Variants in ANKS1B observed in about 807,000 individuals in gnomAD.
ANKS1B encodes ankyrin repeat and sterile alpha motif domain-containing protein 1B.
In ANKS1B, 36 loss-of-function variants were observed where a neutral mutation model predicts 148.3. The ratio of observed to expected loss-of-function variants is 0.24; its 90% CI spans 0.19 to 0.32. The LOEUF is 0.32. Among genes scored for constraint, ANKS1B ranks in the 10% least tolerant of loss-of-function variants. The probability of loss-of-function intolerance (pLI) is 1.00; values close to 1 mark genes in which losing one functional copy is unlikely to be tolerated. For missense variants in ANKS1B, 1,157 were observed against 1,542.6 expected (o/e 0.75, Z 4.19); for synonymous variants, 542 against 560.8 (o/e 0.97, Z 0.47).
chr12:99,330,501 GT>G (rs1464713312), intron 12 of ANKS1B, among the ~76,000 whole-genome samples: 2 of 151,924 alleles, frequency 1.3e-5, no homozygotes, highest in Non-Finnish European at 2.9e-5. Flanking sequence ...CGACAACTTT[GT>G]GATTGTTCTA....
At chr12:99,500,375 A>C (rs2096643845) in intron 10 of ANKS1B, among the ~76,000 whole-genome samples, 1 of 152,146 alleles carries the variant, frequency 6.6e-6, no homozygotes, top group African/African-American at 2.4e-5. Context: ...CCTGGAGAGC[A>C]AAAAAGGCCT....
At chr12:99,214,868 C>T (rs2083909038) in intron 14 of ANKS1B, among the ~76,000 whole-genome samples, 1 of 152,038 alleles carries the variant, frequency 6.6e-6, no homozygotes. Flanking sequence ...GAGGTGGTCT[C>T]AGATGGAGAT....
intron 12 of ANKS1B, among the ~76,000 whole-genome samples, chr12:99,321,887 G>A (rs2085343899): frequency 6.6e-6 from 1 of 152,190 alleles, no homozygotes; most frequent in African/African-American, 2.4e-5. Context: ...GGAGAAATAG[G>A]AATGCTTTTA....
intron 17 of ANKS1B, among the ~76,000 whole-genome samples, chr12:98,845,279 T>C (rs1051916087): frequency 6.6e-6 from 1 of 152,168 alleles, no homozygotes; most frequent in Non-Finnish European, 1.5e-5. Flanking sequence ...AAATCAGGAT[T>C]TGAATCCAGT....
chr12:99,632,767 A>ATATATATATTTTTTTTTTTT (rs1441486862), intron 9 of ANKS1B, among the ~76,000 whole-genome samples: 1 of 71,336 alleles, frequency 1.4e-5, no homozygotes, highest in African/African-American at 4.8e-5. Context: ...ATATATATAT[A>ATATATATATTTTTTTTTTTT]TTTTAATTAT....
At chr12:99,602,870 ATTAG>A (rs2097815889) in intron 9 of ANKS1B, among the ~76,000 whole-genome samples, 1 of 152,136 alleles carries the variant, frequency 6.6e-6, no homozygotes, top group Non-Finnish European at 1.5e-5. Flanking sequence ...CTCAAAAACA[ATTAG>A]TTAGAATCTA....
intron 17 of ANKS1B, among the ~76,000 whole-genome samples, chr12:98,862,143 T>C (rs539429744): frequency 6.6e-6 from 1 of 152,290 alleles, no homozygotes; most frequent in South Asian, 2.1e-4. Flanking sequence ...CTCAGTGTAG[T>C]AAGATTTTGG....
chr12:99,791,439 A>T (rs2065643580), intron 4 of ANKS1B, among the ~76,000 whole-genome samples: 1 of 151,866 alleles, frequency 6.6e-6, no homozygotes, highest in Non-Finnish European at 1.5e-5. Context: ...ATTTTATCTG[A>T]TGGCTGCAAA....
At chr12:99,811,984 C>A (rs1045269616) in intron 3 of ANKS1B, among the ~76,000 whole-genome samples, 171 bp downstream of exon 3, 1 of 151,746 alleles carries the variant, frequency 6.6e-6, no homozygotes. Context: ...CAACTTAGTC[C>A]CTGCATATCA....
chr12:99,290,697 A>G (rs1460187904), intron 12 of ANKS1B, among the ~76,000 whole-genome samples: 1 of 152,166 alleles, frequency 6.6e-6, no homozygotes. Flanking sequence ...ATAGATGCTG[A>G]AAAAGCATTT....
rs148669117 is a variant in ANKS1B at position 98,745,730 on chromosome 12, C to T, written c.*9G>A. 389 of 1,612,664 alleles carry T rather than the reference C, an allele frequency of 2.4e-4. 3 individuals carry two copies. In the East Asian group the frequency reaches 8.6e-3, roughly 36 times the overall value. Reference sequence around the variant, plus strand: ...GCAAGGCACCGCGAGGACAGGAGGACGGCGAGTATCAGAAAATCGTGGTTT... The same window carrying T: ...GCAAGGCACCGCGAGGACAGGAGGATGGCGAGTATCAGAAAATCGTGGTTT... On this transcript the variant is annotated 3_prime_UTR_variant, in exon 27 of 27. Transcript: ENST00000683438.
At chr12:99,290,268 T>C (rs184574192) in intron 12 of ANKS1B, among the ~76,000 whole-genome samples, 1 of 135,944 alleles carries the variant, frequency 7.4e-6, no homozygotes, top group African/African-American at 2.9e-5. Context: ...ATCAAAGCCA[T>C]ACTAAAAAGT....
At chr12:99,842,737 T>C (rs969355829) in intron 1 of ANKS1B, among the ~76,000 whole-genome samples, 2 of 152,138 alleles carry the variant, frequency 1.3e-5, no homozygotes, top group African/African-American at 4.8e-5. Flanking sequence ...CAAAATCCCA[T>C]TGCAGTGGTC....
chr12:99,027,056 A>G (rs1435256717), intron 17 of ANKS1B, among the ~76,000 whole-genome samples: 3 of 152,228 alleles, frequency 2.0e-5, no homozygotes, highest in Admixed American at 2.0e-4. Flanking sequence ...GTCTTTGTGT[A>G]TCTGGCTTCT....
chr12:99,559,095 G>C (rs1481659283), intron 9 of ANKS1B, among the ~76,000 whole-genome samples: 1 of 152,124 alleles, frequency 6.6e-6, no homozygotes, highest in Non-Finnish European at 1.5e-5. Context: ...TCCCGCTTCA[G>C]CCCAGCAACT....
chr12:99,524,277 C>T (rs998562579), intron 9 of ANKS1B, among the ~76,000 whole-genome samples: 1 of 152,078 alleles, frequency 6.6e-6, no homozygotes, highest in Non-Finnish European at 1.5e-5. Flanking sequence ...GAATGAATGA[C>T]AGAAAGGCAG....
chr12:98,765,311 C>T (rs2098466047), intron 25 of ANKS1B, among the ~76,000 whole-genome samples: 2 of 152,194 alleles, frequency 1.3e-5, no homozygotes, highest in South Asian at 4.1e-4. Context: ...GTCACCCAGG[C>T]TGGAGTGCAG....
At chr12:99,603,346 C>T (rs2097822059) in intron 9 of ANKS1B, among the ~76,000 whole-genome samples, 1 of 152,076 alleles carries the variant, frequency 6.6e-6, no homozygotes, top group Non-Finnish European at 1.5e-5. Context: ...CCTCTCTGCT[C>T]AAGGGGTCCA....
chr12:99,794,801 C>T lies in ANKS1B; in HGVS notation c.669+11603G>A, dbSNP rs573053447. Among the ~76,000 whole-genome samples, 3 of 151,660 alleles carry T rather than the reference C, an allele frequency of 2.0e-5. No individual in the cohort carries two copies. The South Asian group carries it at 6.3e-4, about 32-fold the overall frequency. On this transcript the variant is annotated intron_variant, in intron 4 of 26. Transcript: ENST00000683438. ...AGTATTTGATAGCACAACAGGGGCA[C>T]TATAATCAATAATAATTCAATTGTA...
Sources: allele counts gnomAD v4.1 joint callset (sites outside exome capture counted in the v4.1 genomes callset), GRCh38; gene constraint gnomAD v4.1.1; transcripts MANE v1.5; gene names NCBI Gene and HGNC (gene_info 2026-07-23, HGNC 2026-07-21).